Variants in STK32A observed in about 807,000 individuals in gnomAD.
STK32A encodes the protein serine/threonine kinase 32A.
A neutral mutation model predicts 53.2 loss-of-function variants in STK32A; 41 were observed. That is an observed-to-expected ratio of 0.77 (90% CI 0.60 to 1.00). STK32A has a LOEUF of 1.00. Ranked by LOEUF, STK32A falls within the 50% of genes least tolerant of loss-of-function variation. STK32A has a pLI of 0.00. For synonymous variants in STK32A, 166 were observed against 162.8 expected (o/e 1.02, Z -0.15); for missense variants, 458 against 485.8 (o/e 0.94, Z 0.54).
At chr5:147,284,222 C>G (rs1752208322) in intron 4 of STK32A, among the ~76,000 whole-genome samples, 1 of 152,092 alleles carries the variant, frequency 6.6e-6, no homozygotes, top group Non-Finnish European at 1.5e-5. Flanking sequence ...AATCCAGCAT[C>G]CTTTTATGAT....
intron 11 of STK32A, among the ~76,000 whole-genome samples, chr5:147,376,613 C>T (rs1437917915): frequency 1.3e-5 from 2 of 152,150 alleles, no homozygotes; most frequent in Non-Finnish European, 2.9e-5. Flanking sequence ...CATCCTTGTA[C>T]TATCCCACTC....
At chr5:147,302,341 G>A (rs1178561876) in intron 4 of STK32A, among the ~76,000 whole-genome samples, 1 of 152,152 alleles carries the variant, frequency 6.6e-6, no homozygotes, top group Non-Finnish European at 1.5e-5. Context: ...CGAGTACAAA[G>A]TTTGAGGACA....
the STK32A span, chr5:147,401,776 A>G: frequency 1.3e-6 from 2 of 1,547,400 alleles, no homozygotes; most frequent in Admixed American, 3.8e-5. Context: ...TTTAGCTCCT[A>G]AGCCTACCCA....
At chr5:147,392,579 G>A (rs756774466), downstream of STK32A, 1 of 152,218 alleles carries the variant, frequency 6.6e-6, no homozygotes, top group Non-Finnish European at 1.5e-5. Flanking sequence ...TGGTTCTATA[G>A]ATTCTTATCT....
At chr5:147,341,052 A>G (rs1253723863) in intron 5 of STK32A, among the ~76,000 whole-genome samples, 1 of 152,242 alleles carries the variant, frequency 6.6e-6, no homozygotes, top group Non-Finnish European at 1.5e-5. Flanking sequence ...GTGCTCAGGG[A>G]TTTAACAGAA....
chr5:147,252,720 C>A (rs1754050043), intron 2 of STK32A, among the ~76,000 whole-genome samples: 1 of 152,206 alleles, frequency 6.6e-6, no homozygotes, highest in African/African-American at 2.4e-5. Flanking sequence ...TGGCTGTTTT[C>A]ATTTGCAACC....
chr5:147,276,351 T>A (rs567660812), intron 2 of STK32A, among the ~76,000 whole-genome samples: 2 of 152,230 alleles, frequency 1.3e-5, no homozygotes, highest in African/African-American at 4.8e-5. Flanking sequence ...GTACTATGCT[T>A]ACTACATTTG....
intron 6 of STK32A, among the ~76,000 whole-genome samples, chr5:147,344,310 C>T (rs1755580325): frequency 6.6e-6 from 1 of 152,206 alleles, no homozygotes; most frequent in East Asian, 1.9e-4. Context: ...TTTCAAAGCT[C>T]ACTGTCATTA....
At chr5:147,383,199 T>C (rs1757520532) in intron 11 of STK32A, 1 of 520,260 alleles carries the variant, frequency 1.9e-6, no homozygotes. Context: ...AGTTCTAAAA[T>C]AGTGACATTA....
the STK32A span, chr5:147,400,637 T>C: frequency 6.3e-7 from 1 of 1,594,744 alleles, no homozygotes; most frequent in Non-Finnish European, 8.6e-7. Flanking sequence ...GAGGTTCTGA[T>C]CTGGCCCATG....
chr5:147,286,438 A>G (rs1752342764), intron 4 of STK32A, among the ~76,000 whole-genome samples: 1 of 152,096 alleles, frequency 6.6e-6, no homozygotes, highest in Non-Finnish European at 1.5e-5. Context: ...ATCCAGCACC[A>G]CATTAGGTTT....
At chr5:147,323,157 C>T (rs541362868) in intron 4 of STK32A, among the ~76,000 whole-genome samples, 12 of 152,288 alleles carry the variant, frequency 7.9e-5, no homozygotes, top group Non-Finnish European at 1.5e-4. Flanking sequence ...TGAATGGGAG[C>T]GTAGGTCCAG....
At chr5:147,286,296 G>C (rs577522190) in intron 4 of STK32A, among the ~76,000 whole-genome samples, 2 of 151,926 alleles carry the variant, frequency 1.3e-5, no homozygotes, top group Admixed American at 1.3e-4. Flanking sequence ...GGGGGGCGAG[G>C]GATACAAGAC....
chr5:147,313,095 C>T (rs1414528045), intron 4 of STK32A, among the ~76,000 whole-genome samples: 1 of 138,606 alleles, frequency 7.2e-6, no homozygotes. Flanking sequence ...ATTAGCCAGT[C>T]ATGGTGGTAC....
At chr5:147,335,798 T>TGTGTGTGCGCGCGTGCATGCGTGCGC (rs1250988349) in intron 5 of STK32A, among the ~76,000 whole-genome samples, 2 of 152,160 alleles carry the variant, frequency 1.3e-5, no homozygotes, top group South Asian at 2.1e-4. Context: ...TGTATGTGTG[T>TGTGTGTGCGCGCGTGCATGCGTGCGC]GTGTGTGCGC....
chr5:147,237,160 A>G (rs1753358781), intron 1 of STK32A, among the ~76,000 whole-genome samples: 2 of 151,996 alleles, frequency 1.3e-5, no homozygotes, highest in African/African-American at 4.8e-5. Flanking sequence ...AAAATACAAA[A>G]AAATTAGCCG....
chr5:147,375,755 C>G (rs1228797593), intron 11 of STK32A: 1 of 152,244 alleles, frequency 6.6e-6, no homozygotes, highest in African/African-American at 2.4e-5. Context: ...TGCTGGATTT[C>G]AGGCTGAGTT....
chr5:147,318,800 C>T (rs1463746310), intron 4 of STK32A, among the ~76,000 whole-genome samples: 4 of 151,130 alleles, frequency 2.6e-5, no homozygotes, highest in Non-Finnish European at 4.4e-5. Flanking sequence ...AAATTACAGG[C>T]CAAATCCATA....
In STK32A at chr5:147,383,970, A is replaced by AT; in HGVS notation, c.1179dup (p.Asn394Ter). 1 of 1,605,438 alleles carries AT rather than the reference A, an allele frequency of 6.2e-7. No individual in the cohort carries two copies. The highest frequency in any genetic ancestry group is 8.5e-7 in the Non-Finnish European group (1 of 1,177,326). On this transcript the variant is annotated frameshift_variant, in exon 13 of 13. Transcript: ENST00000397936. LOFTEE classifies it high-confidence loss of function. ...GACCCACAAGGTGAGGATGGTCAGA[A>AT]TAACAACTTGTAAAGGCCTCATGTC... is the stretch of plus-strand genomic sequence containing the variant.
Sources: gnomAD v4.1 joint callset for allele counts (sites outside exome capture counted in the v4.1 genomes callset) on GRCh38, gnomAD v4.1.1 for gene constraint, MANE v1.5 for transcripts, NCBI Gene and HGNC (gene_info 2026-07-23, HGNC 2026-07-21) for gene names.